Variants in EDNRA observed in about 807,000 individuals in gnomAD.
EDNRA encodes endothelin-1 receptor.
A neutral mutation model predicts 41.4 loss-of-function variants in EDNRA; 11 were observed. That is an observed-to-expected ratio of 0.27 (90% CI 0.17 to 0.44). EDNRA has a LOEUF of 0.44. Ranked by LOEUF, EDNRA falls within the 20% of genes least tolerant of loss-of-function variation. The pLI is 1.00. For missense variants in EDNRA, 294 were observed against 531.0 expected (o/e 0.55, Z 4.39); for synonymous variants, 172 against 183.0 (o/e 0.94, Z 0.49).
chr4:147,510,779 A>G (rs1490076744), intron 2 of EDNRA, among the ~76,000 whole-genome samples: 1 of 152,202 alleles, frequency 6.6e-6, no homozygotes, highest in Non-Finnish European at 1.5e-5. Context: ...TTTAGGTAGA[A>G]AAAAAGGGAC....
intron 3 of EDNRA, among the ~76,000 whole-genome samples, chr4:147,528,448 C>A (rs1280296188): frequency 6.6e-6 from 1 of 150,616 alleles, no homozygotes; most frequent in Non-Finnish European, 1.5e-5. Flanking sequence ...GGCTCAACCT[C>A]CCTGGGCTCA....
At position 147,523,495 on chromosome 4, in the gene EDNRA, TTG is replaced by T. The variant is rs1221196389; in HGVS notation, c.548+3519_548+3520del. Among the ~76,000 whole-genome samples, 127 of 139,024 alleles carry T rather than the reference TTG, an allele frequency of 9.1e-4. 6 individuals are homozygous for T. The highest frequency in any genetic ancestry group is 3.1e-3 in the African/African-American group (96 of 31,268). 91.2% of individuals were successfully genotyped at this position (139,024 alleles called of 152,430 possible). ...TGTTGTTGTTGTTTTTTTGTTTTTTTTGTTTTTTTTTTTGAGATGGAGTCTTG... is the reference window on the plus strand; with the variant it reads ...TGTTGTTGTTGTTTTTTTGTTTTTTTTTTTTTTTTTTGAGATGGAGTCTTG... On this transcript the variant is annotated intron_variant, in intron 3 of 7. Transcript: ENST00000651419.
chr4:147,498,239 G>A (rs1729384034), intron 2 of EDNRA, among the ~76,000 whole-genome samples: 1 of 152,200 alleles, frequency 6.6e-6, no homozygotes, highest in Admixed American at 6.5e-5. Flanking sequence ...GTTTAAATGT[G>A]AGTCATTGAC....
In EDNRA at chr4:147,481,347, G is replaced by T. The variant is rs1728747498; in HGVS notation, c.-100G>T. The T allele has an allele frequency of 6.6e-6, 1 of 152,420 alleles. No individual in the cohort carries two copies. The highest frequency in any genetic ancestry group is 2.4e-5 in the African/African-American group (1 of 41,464). The allele number at this position is 152,420 out of a possible 1,614,324, so 9.4% of individuals were successfully genotyped here. On this transcript the variant is annotated 5_prime_UTR_variant, in exon 1 of 8. Transcript: ENST00000651419. ...TCTGGCCCAGGCGCCGCGCGGACCCGGCAGCTGTCTGCGCACGCCGAGCTC... is the reference window on the plus strand; with the variant it reads ...TCTGGCCCAGGCGCCGCGCGGACCCTGCAGCTGTCTGCGCACGCCGAGCTC...
chr4:147,494,522 T>C (rs968832721), intron 2 of EDNRA: 1 of 151,978 alleles, frequency 6.6e-6, no homozygotes, highest in African/African-American at 2.4e-5. Flanking sequence ...GCCTGGAGGG[T>C]TAAAGGAAGA....
At chr4:147,539,677 C>A (rs551638411) in intron 5 of EDNRA, 140 bp from the exon 6 acceptor site, 29 of 894,652 alleles carry the variant, frequency 3.2e-5, no homozygotes, top group Non-Finnish European at 4.2e-5. Flanking sequence ...GAGGTAGAGG[C>A]AGTGTAAGCC....
intron 2 of EDNRA, among the ~76,000 whole-genome samples, chr4:147,518,361 G>C (rs1010687728): frequency 2.0e-5 from 3 of 152,148 alleles, no homozygotes; most frequent in African/African-American, 7.2e-5. Flanking sequence ...GTTGTCCTTG[G>C]ACAAAAGTTT....
chr4:147,484,922 A>G (rs2126367456), intron 1 of EDNRA, among the ~76,000 whole-genome samples: 1 of 152,344 alleles, frequency 6.6e-6, no homozygotes, highest in South Asian at 2.1e-4. Context: ...TCTCATTAAC[A>G]TTTCATAACA....
intron 4 of EDNRA, 46 bp from the exon 5 acceptor site, chr4:147,535,831 A>C (rs377259553): frequency 6.3e-7 from 1 of 1,598,964 alleles, no homozygotes; most frequent in East Asian, 2.2e-5. Flanking sequence ...GTTAATTGAC[A>C]TGACTCTGCT....
chr4:147,515,017 A>G (rs996236053), intron 2 of EDNRA, among the ~76,000 whole-genome samples: 2 of 152,152 alleles, frequency 1.3e-5, no homozygotes, highest in South Asian at 2.1e-4. Flanking sequence ...CTGTGTTTCA[A>G]TGAGCCCTCC....
At chr4:147,538,392 G>C (rs764716468) in intron 5 of EDNRA, among the ~76,000 whole-genome samples, 137 of 152,326 alleles carry the variant, frequency 9.0e-4, no homozygotes, top group Non-Finnish European at 1.5e-3. Flanking sequence ...TAGATAATTA[G>C]GCCAGGTTCC....
At chr4:147,540,000 A>G in intron 6 of EDNRA, 50 bp downstream of exon 6, 2 of 1,545,964 alleles carry the variant, frequency 1.3e-6, no homozygotes, top group African/African-American at 2.8e-5. Context: ...AGATTTTCAT[A>G]TTTATAATAC....
At chr4:147,539,150 AAAC>A (rs1298416479) in intron 5 of EDNRA, among the ~76,000 whole-genome samples, 12 of 152,054 alleles carry the variant, frequency 7.9e-5, no homozygotes, top group African/African-American at 2.2e-4. Flanking sequence ...TTCTGCTTGC[AAAC>A]AACATATAAT....
intron 1 of EDNRA, among the ~76,000 whole-genome samples, chr4:147,484,848 A>G (rs1444515370): frequency 6.6e-6 from 1 of 152,268 alleles, no homozygotes; most frequent in Non-Finnish European, 1.5e-5. Flanking sequence ...AAATGTTTTT[A>G]TCAATTATTT....
At chr4:147,483,460 A>T (rs1169505704) in intron 1 of EDNRA, among the ~76,000 whole-genome samples, 1 of 152,198 alleles carries the variant, frequency 6.6e-6, no homozygotes, top group Non-Finnish European at 1.5e-5. Flanking sequence ...ATATATAATA[A>T]GTTACTATAT....
At chr4:147,538,932 A>G (rs1298239181) in intron 5 of EDNRA, among the ~76,000 whole-genome samples, 2 of 152,172 alleles carry the variant, frequency 1.3e-5, no homozygotes, top group African/African-American at 4.8e-5. Flanking sequence ...GACAAGTTGC[A>G]TTTTGTGTTC....
At chr4:147,489,845 C>G (rs918907101) in intron 2 of EDNRA, 4 of 152,166 alleles carry the variant, frequency 2.6e-5, no homozygotes, top group African/African-American at 9.7e-5. Flanking sequence ...CACCTGTCCC[C>G]CTTTTCCCCC....
At chr4:147,505,295 C>G (rs1235119958) in intron 2 of EDNRA, among the ~76,000 whole-genome samples, 1 of 143,384 alleles carries the variant, frequency 7.0e-6, no homozygotes, top group African/African-American at 2.6e-5. Context: ...TGTAGAGCCA[C>G]TCTGTAAGAG....
intron 2 of EDNRA, among the ~76,000 whole-genome samples, chr4:147,496,929 G>C (rs184787365): frequency 1.3e-5 from 2 of 152,106 alleles, no homozygotes; most frequent in Non-Finnish European, 2.9e-5. Context: ...TATATATGTT[G>C]AATATGTAAG....
Sources: gnomAD v4.1 joint callset for allele counts (sites outside exome capture counted in the v4.1 genomes callset) on GRCh38, gnomAD v4.1.1 for gene constraint, MANE v1.5 for transcripts, NCBI Gene and HGNC (gene_info 2026-07-23, HGNC 2026-07-21) for gene names.